Variants in UVRAG observed in about 807,000 individuals in gnomAD.
The protein encoded by UVRAG is UV radiation resistance associated.
A neutral mutation model predicts 78.0 loss-of-function variants in UVRAG; 19 were observed. That is an observed-to-expected ratio of 0.24 (90% confidence interval 0.17 to 0.36). The LOEUF (loss-of-function observed/expected upper bound fraction) is 0.36, where lower values mean the gene tolerates loss of function less well. UVRAG is among the 10% of genes least tolerant of loss of function. The pLI is 1.00. For synonymous variants in UVRAG, 323 were observed against 324.6 expected (o/e 1.00, Z 0.05); for missense variants, 740 against 853.8 (o/e 0.87, Z 1.66).
intron 12 of UVRAG, among the ~76,000 whole-genome samples, chr11:76,023,142 A>G (rs1000634333): frequency 6.6e-6 from 1 of 152,020 alleles, no homozygotes; most frequent in Admixed American, 6.6e-5. Context: ...TTACATATGT[A>G]ATTACCTTTT....
intron 1 of UVRAG, among the ~76,000 whole-genome samples, chr11:75,844,926 A>G (rs568740516): frequency 1.3e-5 from 2 of 152,312 alleles, no homozygotes; most frequent in South Asian, 4.1e-4. Flanking sequence ...TTGGCCTCCC[A>G]AAGTGCTGGG....
intron 1 of UVRAG, among the ~76,000 whole-genome samples, chr11:75,840,437 C>G (rs115650175): frequency 6.6e-6 from 1 of 152,000 alleles, no homozygotes; most frequent in African/African-American, 2.4e-5. Context: ...AGTTTTGGGG[C>G]CTTTCACCAA....
chr11:75,911,468 C>G (rs1947736592), intron 5 of UVRAG: 1 of 172,132 alleles, frequency 5.8e-6, no homozygotes. Context: ...CTGGAGCTCT[C>G]TCGTTGTGGG....
rs568549032 is a variant in UVRAG, at chr11:76,131,045, C to A, written c.1398-9666C>A. On this transcript the variant is annotated intron_variant, in intron 14 of 14. Transcript: ENST00000356136. ...GGTCCCCAGGTATCATTCCTGGCATCTCTTTCCTGTTCTTTCCATGTTCTC... is the reference window on the plus strand; with the variant it reads ...GGTCCCCAGGTATCATTCCTGGCATATCTTTCCTGTTCTTTCCATGTTCTC... Among the ~76,000 whole-genome samples the A allele has an allele frequency of 2.0e-5, 3 of 151,982 alleles. No individual in the cohort carries two copies. The South Asian group carries it at 6.2e-4, about 32-fold the overall frequency.
At chr11:76,093,813 A>G (rs890116305) in intron 13 of UVRAG, among the ~76,000 whole-genome samples, 4 of 152,196 alleles carry the variant, frequency 2.6e-5, no homozygotes, top group African/African-American at 4.8e-5. Context: ...AACAGGGACA[A>G]TTTGACTTCC....
intron 1 of UVRAG, among the ~76,000 whole-genome samples, chr11:75,822,046 G>C (rs1945403196): frequency 6.8e-6 from 1 of 148,048 alleles, no homozygotes; most frequent in Non-Finnish European, 1.5e-5. Context: ...TCAGGTTCAA[G>C]CAATTCTTCT....
intron 14 of UVRAG, among the ~76,000 whole-genome samples, chr11:76,127,521 C>T (rs556313615): frequency 6.6e-6 from 1 of 150,952 alleles, no homozygotes; most frequent in African/African-American, 2.4e-5. Context: ...TGTGGTGGTA[C>T]ACGCCTGTAA....
chr11:76,087,493 A>G (rs1213084027), intron 13 of UVRAG, among the ~76,000 whole-genome samples: 1 of 152,202 alleles, frequency 6.6e-6, no homozygotes, highest in Non-Finnish European at 1.5e-5. Flanking sequence ...GCCACAGATG[A>G]TAATCATAAT....
chr11:76,139,044 T>A (rs1952652047), intron 14 of UVRAG, among the ~76,000 whole-genome samples: 2 of 152,206 alleles, frequency 1.3e-5, no homozygotes, highest in South Asian at 4.1e-4. Context: ...ACACTGTAAT[T>A]TACTAGTCTA....
At chr11:75,860,545 G>C (rs1223944435) in intron 2 of UVRAG, among the ~76,000 whole-genome samples, 3 of 152,054 alleles carry the variant, frequency 2.0e-5, no homozygotes, top group Non-Finnish European at 2.9e-5. Flanking sequence ...TGTATGTTAG[G>C]ATATATGTAT....
intron 3 of UVRAG, among the ~76,000 whole-genome samples, chr11:75,863,615 T>G (rs1224171932): frequency 6.6e-6 from 1 of 152,240 alleles, no homozygotes; most frequent in Non-Finnish European, 1.5e-5. Flanking sequence ...GAATGTTAAC[T>G]CCTATCTTCA....
intron 5 of UVRAG, among the ~76,000 whole-genome samples, chr11:75,893,313 A>T (rs1200366625): frequency 6.6e-6 from 1 of 152,056 alleles, no homozygotes; most frequent in African/African-American, 2.4e-5. Flanking sequence ...CCTTCTGGCC[A>T]CTCTGCCCAG....
At chr11:76,135,256 A>G (rs1011932789) in intron 14 of UVRAG, among the ~76,000 whole-genome samples, 3 of 152,236 alleles carry the variant, frequency 2.0e-5, no homozygotes, top group Non-Finnish European at 2.9e-5. Flanking sequence ...TAAGAGTAGA[A>G]TCCAGGTCTT....
chr11:76,061,340 G>C (rs1284310335), intron 12 of UVRAG, among the ~76,000 whole-genome samples: 1 of 152,172 alleles, frequency 6.6e-6, no homozygotes, highest in East Asian at 1.9e-4. Context: ...TCTGTAAAAT[G>C]AACCAATCAG....
intron 6 of UVRAG, among the ~76,000 whole-genome samples, chr11:75,917,908 T>A (rs972190355): frequency 6.6e-6 from 1 of 152,224 alleles, no homozygotes; most frequent in Admixed American, 6.5e-5. Context: ...ATCTCCTAGA[T>A]GAAGAAATTA....
intron 13 of UVRAG, among the ~76,000 whole-genome samples, chr11:76,085,063 CAAAAAAAAAAAAAA>C (rs781218840): frequency 2.0e-5 from 1 of 49,614 alleles, no homozygotes; most frequent in Non-Finnish European, 5.2e-5. Flanking sequence ...GACCCTGTCT[CAAAAAAAAAAAAAA>C]AAAAAAAAAA....
chr11:75,826,560 A>C (rs1945517423), intron 1 of UVRAG, among the ~76,000 whole-genome samples: 1 of 152,194 alleles, frequency 6.6e-6, no homozygotes, highest in South Asian at 2.1e-4. Context: ...CGTTCTCTTT[A>C]AGGGCAGAGC....
chr11:75,815,243 A>AG lies in UVRAG; in HGVS notation c.-165_-164insG. The AG allele has an allele frequency of 2.2e-6, 1 of 451,250 alleles. No homozygotes were observed. The highest frequency in any genetic ancestry group is 3.8e-6 in the Non-Finnish European group (1 of 260,750). 28.0% of individuals were successfully genotyped at this position (451,250 alleles called of 1,614,324 possible). A position where few individuals can be genotyped will look rare whatever the true frequency, so the allele number is the denominator to read the frequency against. Reference sequence around the variant, plus strand: ...GGCTCTTCCTTAGCCAGCGGCGGCAACGGCGGCAGCGGCGGCAGCGGCGGC... The same window carrying AG: ...GGCTCTTCCTTAGCCAGCGGCGGCAAGCGGCGGCAGCGGCGGCAGCGGCGGC... On this transcript the variant is annotated 5_prime_UTR_variant, in exon 1 of 15. Coordinates refer to ENST00000356136, the MANE Select transcript of UVRAG (RefSeq NM_003369.4).
chr11:75,888,229 G>T (rs549593337), intron 4 of UVRAG, among the ~76,000 whole-genome samples: 3 of 152,172 alleles, frequency 2.0e-5, no homozygotes, highest in Admixed American at 6.5e-5. Flanking sequence ...GACCACTCAG[G>T]CTCCGGCAGT....
Sources: gnomAD v4.1 joint callset for allele counts (sites outside exome capture counted in the v4.1 genomes callset) on GRCh38, gnomAD v4.1.1 for gene constraint, MANE v1.5 for transcripts, NCBI Gene and HGNC (gene_info 2026-07-23, HGNC 2026-07-21) for gene names.